ZNF268: variants seen among roughly 807,000 people sequenced by gnomAD.
The protein encoded by ZNF268 is zinc finger protein 268, also known as zinc finger protein 3.
Under a neutral mutation model 29.3 loss-of-function variants are expected in ZNF268, and 20 were observed. The ratio of observed to expected loss-of-function variants is 0.68; its 90% CI spans 0.48 to 0.99. ZNF268 has a LOEUF of 0.99. Among genes scored for constraint, ZNF268 ranks in the 50% least tolerant of loss-of-function variants. The probability of loss-of-function intolerance (pLI) is 0.00; values close to 1 mark genes in which losing one functional copy is unlikely to be tolerated. For synonymous variants in ZNF268, 429 were observed against 376.9 expected, an observed-to-expected ratio of 1.14 and a Z score of -1.60; for missense variants, 1,240 against 1,121.6, an observed-to-expected ratio of 1.11 and a Z score of -1.51.
chr12:133,191,603 C>G lies in ZNF268; in HGVS notation c.349C>G (p.Leu117Val). ...RSVMLENYSN[L>V]VSLGYQHTKP... ...TGTGATGTTGGAGAACTATAGCAAC[C>G]TGGTGTCCCTAGGTAAGTGCTGCCT... is the stretch of plus-strand genomic sequence containing the variant. The change falls in exon 4 of 6, where the codon CTG becomes GTG. Residue 117 changes from leucine (L) to valine (V), a missense_variant. Physicochemically the swap from Leu to Val is conservative, Grantham distance 32. Around this residue, in one of 3 missense-constraint regions of ZNF268, gnomAD observed 1,177 missense variants for 1,039.6 expected, o/e 1.13. Coordinates refer to ENST00000536435, the MANE Select transcript of ZNF268 (RefSeq NM_003415.3). 3 of 1,614,008 alleles carry G rather than the reference C, an allele frequency of 1.9e-6. No homozygotes were observed. The South Asian group carries it at 3.3e-5, about 18-fold the overall frequency.
At position 133,191,552 on chromosome 12, in the gene ZNF268, C is replaced by T; in HGVS notation, c.298C>T (p.Pro100Ser). Residue 100 changes from proline to serine, a missense_variant, in exon 4 of 6, where the codon CCA (proline) becomes TCA (serine). Physicochemically the swap from Pro to Ser is moderately conservative, Grantham distance 74. This residue lies in a region of ZNF268 where 1,177 missense variants were observed against 1,039.6 expected (regional missense o/e 1.13). Transcript: ENST00000536435. ...CTGGGAGGAGTGGCAGCTGCTAGAC[C>T]CAGCACAGAAGTGCCTGTACAGGAG... The part of the protein sequence containing the change: ...FTWEEWQLLD[P>S]AQKCLYRSVM... The T allele has an allele frequency of 1.2e-6, 2 of 1,613,898 alleles. No homozygotes were observed. The highest frequency in any genetic ancestry group is 1.7e-6 in the Non-Finnish European group (2 of 1,179,944).
At chr12:133,202,026 G>A (rs1173643014) in intron 5 of ZNF268, 118 bp from the exon 6 acceptor site, 1 of 811,642 alleles carries the variant, frequency 1.2e-6, no homozygotes, top group South Asian at 2.3e-5. Flanking sequence ...GAACTTTCTA[G>A]TATACCACAA....
chr12:133,189,536 A>G (rs12828318), intron 3 of ZNF268, among the ~76,000 whole-genome samples: 22,047 of 152,042 alleles, frequency 0.15, 1,873 homozygotes, highest in Admixed American at 0.21. Context: ...TTCAAAATCA[A>G]ATGATTTATT....
Position 133,202,749 on chromosome 12 carries a change from A to G in ZNF268, c.1063A>G (p.Thr355Ala), listed in dbSNP as rs1288861036. The change falls in exon 6 of 6, where the codon ACA becomes GCA. Residue 355 changes from threonine to alanine, a missense_variant. Physicochemically the swap from Thr to Ala is moderately conservative, Grantham distance 58. Coordinates refer to ENST00000536435, the MANE Select transcript of ZNF268 (RefSeq NM_003415.3). Reference protein sequence around the residue: ...SQLVIHQRIHTGENPYECCEC... With the variant: ...SQLVIHQRIHAGENPYECCEC... The stretch of plus-strand genomic sequence containing the variant: ...GCTTGTTATACATCAGAGAATTCAC[A>G]CAGGTGAGAATCCCTATGAGTGCTG... The G allele has an allele frequency of 6.2e-7, 1 of 1,611,732 alleles. No individual in the cohort carries two copies. The highest frequency in any genetic ancestry group is 8.5e-7 in the Non-Finnish European group (1 of 1,179,336).
In ZNF268 at chr12:133,205,165, AAAAAAAAAC is replaced by A. The variant is rs1422621673; in HGVS notation, c.*636_*644del. ...ATTCTAAAAAAAAAAAAAAAAAAAA[AAAAAAAAAC>A]CAACCTGTTATTATATCTTAATATT... On this transcript the variant is annotated 3_prime_UTR_variant, in exon 6 of 6. Coordinates refer to ENST00000536435, the MANE Select transcript of ZNF268 (RefSeq NM_003415.3). The A allele has an allele frequency of 3.8e-4, 53 of 138,354 alleles. 5 individuals carry two copies. The highest frequency in any genetic ancestry group is 5.9e-4 in the Non-Finnish European group (38 of 64,174). 8.6% of individuals were successfully genotyped at this position (138,354 alleles called of 1,614,324 possible).
intron 5 of ZNF268, among the ~76,000 whole-genome samples, chr12:133,200,279 T>G (rs992415538): frequency 6.6e-6 from 1 of 152,232 alleles, no homozygotes; most frequent in Non-Finnish European, 1.5e-5. Flanking sequence ...CTTCATTTCG[T>G]TATGTACCCC....
At chr12:133,194,691 C>G (rs984834773) in intron 5 of ZNF268, among the ~76,000 whole-genome samples, 1 of 152,096 alleles carries the variant, frequency 6.6e-6, no homozygotes, top group Non-Finnish European at 1.5e-5. Context: ...CTTTTGGAAG[C>G]GGGACTGGGG....
At position 133,203,754 on chromosome 12, in the gene ZNF268, C is replaced by G. The variant is rs372070977; in HGVS notation, c.2068C>G (p.His690Asp). ...CCAGCTCATTGTACATCAGAGAAGT[C>G]ACACAGGAGTAAAACCATATGGATG... is the stretch of plus-strand genomic sequence containing the variant. ...KSQLIVHQRSHTGVKPYGCSE... is the reference protein window; with the variant it reads ...KSQLIVHQRSDTGVKPYGCSE... The change falls in exon 6 of 6, where the codon CAC becomes GAC. Residue 690 changes from histidine (H) to aspartate (D), a missense_variant. This residue lies in a region of ZNF268 where 1,177 missense variants were observed against 1,039.6 expected (regional missense o/e 1.13). Coordinates refer to ENST00000536435, the MANE Select transcript of ZNF268 (RefSeq NM_003415.3). 8.3e-5 allele frequency: 130 copies of G among 1,560,684 alleles called. No homozygotes were observed. The highest frequency in any genetic ancestry group is 1.0e-4 in the Non-Finnish European group (120 of 1,159,582).
chr12:133,185,342 C>T (rs1449561168), intron 2 of ZNF268, among the ~76,000 whole-genome samples: 2 of 152,258 alleles, frequency 1.3e-5, no homozygotes, highest in African/African-American at 2.4e-5. Flanking sequence ...ATGGGAACAG[C>T]CAGGGCCAAG....
chr12:133,181,875 C>A, intron 1 of ZNF268, 71 bp from the exon 2 acceptor site: 1 of 1,025,582 alleles, frequency 9.8e-7, no homozygotes, highest in Non-Finnish European at 1.5e-6. Context: ...AGCCCTGGTG[C>A]CTCGGACCCT....
At chr12:133,196,838 A>T (rs554221117) in intron 5 of ZNF268, among the ~76,000 whole-genome samples, 1 of 152,258 alleles carries the variant, frequency 6.6e-6, no homozygotes, top group South Asian at 2.1e-4. Flanking sequence ...GTTTGGGGAG[A>T]TAGAATTTGA....
At position 133,206,441 on chromosome 12, in the gene ZNF268, G is replaced by A. The variant is rs1956899250; in HGVS notation, c.*1911G>A. On this transcript the variant is annotated 3_prime_UTR_variant, in exon 6 of 6. Coordinates refer to ENST00000536435, the MANE Select transcript of ZNF268 (RefSeq NM_003415.3). Reference sequence around the variant, plus strand: ...GATTATGTGTCAGTGATACTACTTAGTTACATGTAGCTATAGAGTCACAGT... The same window carrying A: ...GATTATGTGTCAGTGATACTACTTAATTACATGTAGCTATAGAGTCACAGT... The A allele has an allele frequency of 2.6e-5, 4 of 152,260 alleles. No homozygotes were observed. In the South Asian group the frequency reaches 8.3e-4, roughly 32 times the overall value. The allele number at this position is 152,260 out of a possible 1,614,324, so 9.4% of individuals were successfully genotyped here. A position where few individuals can be genotyped will look rare whatever the true frequency, so the allele number is the denominator to read the frequency against.
At chr12:133,195,767 G>T (rs1298380841) in intron 5 of ZNF268, among the ~76,000 whole-genome samples, 1 of 151,704 alleles carries the variant, frequency 6.6e-6, no homozygotes, top group Non-Finnish European at 1.5e-5. Flanking sequence ...GCCTAGGCTG[G>T]AGTGCAGTGG....
chr12:133,206,434 C>G lies in ZNF268; in HGVS notation c.*1904C>G, dbSNP rs1257233374. ...AATTTAAGATTATGTGTCAGTGATA[C>G]TACTTAGTTACATGTAGCTATAGAG... On this transcript the variant is annotated 3_prime_UTR_variant, in exon 6 of 6. Coordinates refer to ENST00000536435, the MANE Select transcript of ZNF268 (RefSeq NM_003415.3). The G allele has an allele frequency of 1.3e-5, 2 of 152,150 alleles. No individual in the cohort carries two copies. The highest frequency in any genetic ancestry group is 2.9e-5 in the Non-Finnish European group (2 of 68,028). The allele number at this position is 152,150 out of a possible 1,614,324, so 9.4% of individuals were successfully genotyped here.
In ZNF268 at chr12:133,204,576, A is replaced by G; in HGVS notation, c.*46A>G. On this transcript the variant is annotated 3_prime_UTR_variant, in exon 6 of 6. Transcript: ENST00000536435. Reference sequence around the variant, plus strand: ...AAGTGGATTCACAAGAGATAGAAACAATCATATATAAAGAGAAACTCTGTA... The same window carrying G: ...AAGTGGATTCACAAGAGATAGAAACGATCATATATAAAGAGAAACTCTGTA... The G allele has an allele frequency of 1.5e-6, 2 of 1,355,146 alleles. No homozygotes were observed. The highest frequency in any genetic ancestry group is 2.0e-6 in the Non-Finnish European group (2 of 1,022,120). The allele number at this position is 1,355,146 out of a possible 1,614,324, so 83.9% of individuals were successfully genotyped here. A position where few individuals can be genotyped will look rare whatever the true frequency, so the allele number is the denominator to read the frequency against.
At chr12:133,187,837 T>A in intron 2 of ZNF268, 35 bp from the exon 3 acceptor site, 5 of 1,549,352 alleles carry the variant, frequency 3.2e-6, no homozygotes, top group Non-Finnish European at 3.5e-6. Context: ...AAGGAAATAA[T>A]GCTCGCTAAA....
At position 133,205,392 on chromosome 12, in the gene ZNF268, A is replaced by G. The variant is rs991970375; in HGVS notation, c.*862A>G. ...TCCCAGAGCCTACAGGGATATTTAG[A>G]TATCTTCCTATGTGTACTACATAAT... On this transcript the variant is annotated 3_prime_UTR_variant, in exon 6 of 6. Transcript: ENST00000536435. 2.6e-5 allele frequency: 4 copies of G among 152,104 alleles called. No individual in the cohort carries two copies. Among genetic ancestry groups the G allele is most frequent in the African/African-American group, 9.7e-5 (4 of 41,428 alleles). The allele number at this position is 152,104 out of a possible 1,614,324, so 9.4% of individuals were successfully genotyped here.
Position 133,210,644 on chromosome 12 carries a change from C to CG in ZNF268, c.*6119dup. 2.8e-6 allele frequency: 1 copy of CG among 351,878 alleles called. No individual in the cohort carries two copies. Among genetic ancestry groups the CG allele is most frequent in the East Asian group, 7.5e-5 (1 of 13,338 alleles). 21.8% of individuals were successfully genotyped at this position (351,878 alleles called of 1,614,324 possible). On this transcript the variant is annotated 3_prime_UTR_variant, in exon 6 of 6. Transcript: ENST00000536435. ...TCTGGTCATCACTGTGAAGTGCCCT[C>CG]GGGGGTCTCCGGGTCCTGAGTAGAA... is the stretch of plus-strand genomic sequence containing the variant.
In ZNF268 at chr12:133,204,386, C is replaced by A; in HGVS notation, c.2700C>A (p.Thr900=). Reference sequence around the variant, plus strand: ...ATGGGTGCAATGAATGTGGGAAAACCTTCTCTCAAAAATCAATTCTCAGTG... The same window carrying A: ...ATGGGTGCAATGAATGTGGGAAAACATTCTCTCAAAAATCAATTCTCAGTG... The part of the protein sequence containing the change: ...KPYGCNECGK[T]FSQKSILSAH... The change falls in exon 6 of 6, where the codon ACC becomes ACA. Residue 900 remains threonine (T), a synonymous_variant. Coordinates refer to ENST00000536435, the MANE Select transcript of ZNF268 (RefSeq NM_003415.3). The A allele has an allele frequency of 2.5e-6, 4 of 1,571,408 alleles. No individual in the cohort carries two copies. The highest frequency in any genetic ancestry group is 2.6e-6 in the Non-Finnish European group (3 of 1,162,828).
Sources: allele counts gnomAD v4.1 joint callset (sites outside exome capture counted in the v4.1 genomes callset), GRCh38; gene constraint gnomAD v4.1.1; regional missense constraint gnomAD v4.1.1; transcripts MANE v1.5; gene names NCBI Gene and HGNC (gene_info 2026-07-23, HGNC 2026-07-21).